The following CBLN2 variants were observed in gnomAD, a reference collection of about 807,000 sequenced individuals.
The protein encoded by CBLN2 is cerebellin-2.
In CBLN2, 7 loss-of-function variants were observed where a neutral mutation model predicts 15.0. That is an observed-to-expected ratio of 0.47 (90% CI 0.27 to 0.88). The LOEUF (loss-of-function observed/expected upper bound fraction) is 0.88, where lower values mean the gene tolerates loss of function less well. Ranked by LOEUF, CBLN2 falls within the 40% of genes least tolerant of loss-of-function variation. CBLN2 has a pLI of 0.14. For missense variants in CBLN2, 242 were observed against 304.5 expected, an observed-to-expected ratio of 0.79 and a Z score of 1.53; for synonymous variants, 149 against 135.2, an observed-to-expected ratio of 1.10 and a Z score of -0.71.
chr18:72,555,318 A>C (rs182927016), intron 1 of CBLN2, among the ~76,000 whole-genome samples: 2 of 152,222 alleles, frequency 1.3e-5, no homozygotes, highest in African/African-American at 4.8e-5. Flanking sequence ...TGTGTTCAAA[A>C]GTCTGTCGTG....
chr18:72,619,354 T>G, intron 1 of CBLN2: 1 of 520,782 alleles, frequency 1.9e-6, no homozygotes, highest in Non-Finnish European at 3.7e-6. Context: ...AAAGAAGCCA[T>G]GTTTTTGACA....
At chr18:72,578,667 G>A (rs2069383874) in intron 1 of CBLN2, among the ~76,000 whole-genome samples, 1 of 151,994 alleles carries the variant, frequency 6.6e-6, no homozygotes, top group Non-Finnish European at 1.5e-5. Flanking sequence ...AGCTATTGAA[G>A]TCTTATTACC....
chr18:72,571,623 C>T (rs1360767491), intron 1 of CBLN2, among the ~76,000 whole-genome samples: 3 of 152,138 alleles, frequency 2.0e-5, no homozygotes, highest in African/African-American at 7.2e-5. Context: ...TGTGAACAGG[C>T]CCCTTAACTA....
At chr18:72,611,051 G>A (rs938371363) in intron 1 of CBLN2, among the ~76,000 whole-genome samples, 2 of 152,138 alleles carry the variant, frequency 1.3e-5, no homozygotes, top group African/African-American at 4.8e-5. Flanking sequence ...CTGCATCCAT[G>A]TTGCTGCAAA....
At chr18:72,562,663 T>G (rs960772705) in intron 1 of CBLN2, among the ~76,000 whole-genome samples, 1 of 152,232 alleles carries the variant, frequency 6.6e-6, no homozygotes, top group Non-Finnish European at 1.5e-5. Flanking sequence ...AAATGCTGAA[T>G]GCATATTTAG....
At chr18:72,556,988 C>T (rs909789535) in intron 1 of CBLN2, among the ~76,000 whole-genome samples, 2 of 151,892 alleles carry the variant, frequency 1.3e-5, no homozygotes, top group South Asian at 2.1e-4. Flanking sequence ...CTTATGCTGA[C>T]ATCTAAGGAG....
rs1280268102 is a variant in CBLN2 at position 72,537,879 on chromosome 18, A to G, written c.*297T>C. The G allele has an allele frequency of 4.7e-6, 2 of 425,840 alleles. No individual in the cohort carries two copies. The highest frequency in any genetic ancestry group is 8.6e-6 in the Non-Finnish European group (2 of 232,170). 26.4% of individuals were successfully genotyped at this position (425,840 alleles called of 1,614,324 possible). A position where few individuals can be genotyped will look rare whatever the true frequency, so the allele number is the denominator to read the frequency against. The stretch of plus-strand genomic sequence containing the variant: ...ACAAAAGAGGTCCATGGTCCCAACA[A>G]TAAAATCCGATATTGACTTTACAAT... On this transcript the variant is annotated 3_prime_UTR_variant, in exon 5 of 5. Transcript: ENST00000269503.
Position 72,543,125 on chromosome 18 carries a change from C to A in CBLN2, c.-167+361G>T. On this transcript the variant is annotated intron_variant, in intron 2 of 4. Transcript: ENST00000269503. The surrounding 1 kb of genome is among the most constrained non-coding windows in gnomAD (Gnocchi z 6.8). ...GGTTTCCAGACCACGGGGATTCTCT[C>A]TTTCTCAGCGGGGCGGCAGCCCCTG... 1 of 198,144 alleles carries A rather than the reference C, an allele frequency of 5.0e-6. No individual in the cohort carries two copies. The highest frequency in any genetic ancestry group is 2.3e-5 in the African/African-American group (1 of 43,478). The allele number at this position is 198,144 out of a possible 1,614,324, so 12.3% of individuals were successfully genotyped here.
At chr18:72,606,432 C>G (rs989479601) in intron 1 of CBLN2, among the ~76,000 whole-genome samples, 1 of 152,134 alleles carries the variant, frequency 6.6e-6, no homozygotes, top group African/African-American at 2.4e-5. Flanking sequence ...TGTCAACTCC[C>G]CTACATAAGC....
At chr18:72,599,306 C>T (rs796707997) in intron 1 of CBLN2, among the ~76,000 whole-genome samples, 8 of 152,166 alleles carry the variant, frequency 5.3e-5, no homozygotes, top group African/African-American at 1.9e-4. Context: ...ATTTAAAAGA[C>T]AGTATTAGAT....
chr18:72,595,158 G>A (rs2144935322), intron 1 of CBLN2, among the ~76,000 whole-genome samples: 1 of 151,332 alleles, frequency 6.6e-6, no homozygotes, highest in East Asian at 1.9e-4. Flanking sequence ...TTTTCTCATA[G>A]GTGCTTATTG....
At chr18:72,576,618 C>T (rs1031697149) in intron 1 of CBLN2, among the ~76,000 whole-genome samples, 1 of 151,940 alleles carries the variant, frequency 6.6e-6, no homozygotes, top group Non-Finnish European at 1.5e-5. Flanking sequence ...TCCATTTGCC[C>T]AAACAATACC....
intron 4 of CBLN2, 65 bp from the exon 5 acceptor site, chr18:72,538,438 C>G (rs563945396): frequency 6.4e-7 from 1 of 1,565,566 alleles, no homozygotes; most frequent in East Asian, 2.2e-5. Flanking sequence ...CTGTTCTCTC[C>G]TTTGCCAATA....
intron 1 of CBLN2, among the ~76,000 whole-genome samples, chr18:72,603,927 A>G (rs866789552): frequency 2.4e-4 from 36 of 152,218 alleles, no homozygotes; most frequent in African/African-American, 8.4e-4. Flanking sequence ...TAATCCTGTT[A>G]TTTCCTAAAA....
intron 1 of CBLN2, among the ~76,000 whole-genome samples, chr18:72,594,949 TTTTG>T (rs921214381): frequency 2.1e-4 from 32 of 152,016 alleles, no homozygotes; most frequent in African/African-American, 7.7e-4. Context: ...GGTTTGCTGG[TTTTG>T]TTTATCTTTT....
At chr18:72,603,811 G>A (rs2069565105) in intron 1 of CBLN2, among the ~76,000 whole-genome samples, 1 of 152,100 alleles carries the variant, frequency 6.6e-6, no homozygotes, top group South Asian at 2.1e-4. Context: ...ATTTCAATGG[G>A]AAATCAAAAA....
intron 1 of CBLN2, among the ~76,000 whole-genome samples, chr18:72,615,309 C>A (rs1322165983): frequency 7.4e-6 from 1 of 135,708 alleles, no homozygotes; most frequent in East Asian, 2.2e-4. Context: ...GAGTTTTGCT[C>A]TTTGTTGCCC....
chr18:72,561,791 C>A (rs370995715), intron 1 of CBLN2, among the ~76,000 whole-genome samples: 2 of 151,960 alleles, frequency 1.3e-5, no homozygotes, highest in African/African-American at 2.4e-5. Flanking sequence ...TCTGTCCGTG[C>A]GGCAATAACA....
At chr18:72,561,277 T>C (rs1179117910) in intron 1 of CBLN2, among the ~76,000 whole-genome samples, 1 of 146,884 alleles carries the variant, frequency 6.8e-6, no homozygotes, top group Non-Finnish European at 1.5e-5. Flanking sequence ...GACATTTATC[T>C]CCATAAAATT....
Sources: allele counts gnomAD v4.1 joint callset (sites outside exome capture counted in the v4.1 genomes callset), GRCh38; gene constraint gnomAD v4.1.1; non-coding constraint Gnocchi (gnomAD v3.1); transcripts MANE v1.5; gene names NCBI Gene and HGNC (gene_info 2026-07-23, HGNC 2026-07-21).